NCKIPSD: variants seen among roughly 807,000 people sequenced by gnomAD.
NCKIPSD encodes the protein NCK-interacting protein with SH3 domain.
NCKIPSD carries 48 observed loss-of-function variants against 73.4 expected under a neutral mutation model. The observed-to-expected ratio is 0.65, with a 90% confidence interval of 0.52 to 0.83. The LOEUF (loss-of-function observed/expected upper bound fraction) is 0.83. Among genes scored for constraint, NCKIPSD ranks in the 40% least tolerant of loss-of-function variants. The pLI is 0.00. For synonymous variants in NCKIPSD, 422 were observed against 403.6 expected, an observed-to-expected ratio of 1.05 and a Z score of -0.54; for missense variants, 884 against 970.2, an observed-to-expected ratio of 0.91 and a Z score of 1.18.
intron 6 of NCKIPSD, 22 bp downstream of exon 6, chr3:48,680,037 G>C (rs749427613): frequency 3.7e-6 from 6 of 1,605,842 alleles, no homozygotes; most frequent in Middle Eastern, 1.7e-4. Flanking sequence ...TGTGGGGTAT[G>C]TGTGTGGGAC....
At position 48,680,193 on chromosome 3, in the gene NCKIPSD, G is replaced by A. The variant is rs772226187; in HGVS notation, c.1129C>T (p.His377Tyr). The A allele has an allele frequency of 6.2e-7, 1 of 1,613,480 alleles. No individual in the cohort carries two copies. Among genetic ancestry groups the A allele is most frequent in the African/African-American group, 1.3e-5 (1 of 74,936 alleles). ...ATCACCTCCAGCCTCTGCTGGTCGTGGCAGACCTGCCCTGAGGGCAGGGCC... is the reference window on the plus strand; with the variant it reads ...ATCACCTCCAGCCTCTGCTGGTCGTAGCAGACCTGCCCTGAGGGCAGGGCC... ...SMALPSGQVC[H>Y]DQQRLEVIFA... Residue 377 changes from histidine to tyrosine, a missense_variant, in exon 6 of 13, where the codon CAC (histidine) becomes TAC (tyrosine). His to Tyr is a moderately conservative substitution (Grantham distance 83). Transcript: ENST00000294129.
chr3:48,678,759 G>T, intron 11 of NCKIPSD, 23 bp from the exon 12 acceptor site: 1 of 1,612,042 alleles, frequency 6.2e-7, no homozygotes, highest in Non-Finnish European at 8.5e-7. Context: ...GGTCATAGCG[G>T]TCAGGGTGGA....
At position 48,678,878 on chromosome 3, in the gene NCKIPSD, C is replaced by G. The variant is rs763141216; in HGVS notation, c.1791G>C (p.Gly597=). Residue 597 remains glycine (G), a splice_region_variant and synonymous_variant, in exon 11 of 13, where the codon GGG becomes GGC. Coordinates refer to ENST00000294129, the MANE Select transcript of NCKIPSD (RefSeq NM_016453.4). ...SEKLLLLLNR[G]DDPVRIFKHE... is the part of the protein sequence containing the mutation. ...CCGCGCAGATTCCCGGGCCCTCACC[C>G]CCTCTGTTCAGGAGCAACAACAGCT... 6.2e-7 allele frequency: 1 copy of G among 1,613,862 alleles called. No homozygotes were observed. Among genetic ancestry groups the G allele is most frequent in the Non-Finnish European group, 8.5e-7 (1 of 1,179,994 alleles).
At chr3:48,684,019 C>CACACACACACACACACACACAGAG (rs563262573) in intron 1 of NCKIPSD, among the ~76,000 whole-genome samples, 10 of 141,342 alleles carry the variant, frequency 7.1e-5, no homozygotes, top group African/African-American at 2.8e-4. Flanking sequence ...CACACACACA[C>CACACACACACACACACACACAGAG]AGAGAGAGAG....
In NCKIPSD at chr3:48,681,368, G is replaced by A; in HGVS notation, c.1011C>T (p.Ile337=). The A allele has an allele frequency of 6.2e-7, 1 of 1,611,912 alleles. No homozygotes were observed. Among genetic ancestry groups the A allele is most frequent in the Non-Finnish European group, 8.5e-7 (1 of 1,179,018 alleles). Residue 337 remains isoleucine, a synonymous_variant, in exon 5 of 13, where the codon ATC becomes ATT. Coordinates refer to ENST00000294129, the MANE Select transcript of NCKIPSD (RefSeq NM_016453.4). ...SHELCRVAIG[I]IVGHIQASVP... ...CCGAGGCCTGGATGTGACCCACTATGATGCCGATGGCCACCCGGCATAATT... is the reference window on the plus strand; with the variant it reads ...CCGAGGCCTGGATGTGACCCACTATAATGCCGATGGCCACCCGGCATAATT...
rs765296751 is a variant in NCKIPSD at position 48,682,956 on chromosome 3, G to T, written c.228C>A (p.Asn76Lys). 1 of 1,552,866 alleles carries T rather than the reference G, an allele frequency of 6.4e-7. No homozygotes were observed. Among genetic ancestry groups the T allele is most frequent in the South Asian group, 1.2e-5 (1 of 84,124 alleles). Residue 76 changes from asparagine to lysine, a missense_variant, in exon 2 of 13, where the codon AAC (asparagine) becomes AAA (lysine). Asn to Lys is a moderately conservative substitution (Grantham distance 94). Transcript: ENST00000294129. ...AIDRAIEAVH[N>K]TAMRDGGKYS... ...ACTTGCCACCATCCCGCATGGCTGT[G>T]TTGTGTACAGCCTCGATGGCCCGGT...
Position 48,679,707 on chromosome 3 carries a change from G to T in NCKIPSD, c.1357C>A (p.Arg453=). ...AGGAGCAGCAGCCGCAGTGATGCTC[G>T]GTGTTCCTGGCAGGGAACCCTGCGT... ...ALVAYYQMEH[R]ASLRLLLLKC... Residue 453 remains arginine, a synonymous_variant, in exon 8 of 13, where the codon CGA becomes AGA. Coordinates refer to ENST00000294129, the MANE Select transcript of NCKIPSD (RefSeq NM_016453.4). The T allele has an allele frequency of 6.2e-7, 1 of 1,614,098 alleles. No individual in the cohort carries two copies. The highest frequency in any genetic ancestry group is 8.5e-7 in the Non-Finnish European group (1 of 1,180,000).
Position 48,685,782 on chromosome 3 carries a change from C to T in NCKIPSD, c.26G>A (p.Arg9His). Residue 9 changes from arginine (R) to histidine (H), a missense_variant, in exon 1 of 13, where the codon CGC (arginine) becomes CAC (histidine). Coordinates refer to ENST00000294129, the MANE Select transcript of NCKIPSD (RefSeq NM_016453.4). MYRALYAFRSAEPNALAFA... is the reference protein window; with the variant it reads MYRALYAFHSAEPNALAFA... ...CGCCAGCGCGTTGGGCTCCGCCGAG[C>T]GGAACGCGTACAGCGCGCGGTACAT... 1.3e-6 allele frequency: 2 copies of T among 1,528,104 alleles called. No homozygotes were observed. Among genetic ancestry groups the T allele is most frequent in the Admixed American group, 2.0e-5 (1 of 49,974 alleles). The allele number at this position is 1,528,104 out of a possible 1,614,324, so 94.7% of individuals were successfully genotyped here. A position where few individuals can be genotyped will look rare whatever the true frequency, so the allele number is the denominator to read the frequency against.
At position 48,681,329 on chromosome 3, in the gene NCKIPSD, T is replaced by C; in HGVS notation, c.1050A>G (p.Ser350=). ...GHIQASVPAS[S]PVMEQVLLSL... is the part of the protein sequence containing the mutation. ...AGAGGAGGACCTGCTCCATGACTGG[T>C]GAGCTGGCCGGCACCGAGGCCTGGA... The change falls in exon 5 of 13, where the codon TCA becomes TCG. Residue 350 remains serine, a synonymous_variant. Transcript: ENST00000294129. 1 of 1,609,988 alleles carries C rather than the reference T, an allele frequency of 6.2e-7. No homozygotes were observed. The highest frequency in any genetic ancestry group is 8.5e-7 in the Non-Finnish European group (1 of 1,179,008).
intron 12 of NCKIPSD, among the ~76,000 whole-genome samples, chr3:48,676,109 C>T (rs2077252766): frequency 6.6e-6 from 1 of 152,208 alleles, no homozygotes; most frequent in Non-Finnish European, 1.5e-5. Context: ...AAACCTCAAA[C>T]GGACACACAG....
intron 5 of NCKIPSD, 160 bp downstream of exon 5, chr3:48,681,127 C>T: frequency 2.6e-6 from 3 of 1,166,784 alleles, no homozygotes; most frequent in South Asian, 1.6e-5. Context: ...CTTGTCCTTC[C>T]TTTCTGCTTC....
At chr3:48,682,761 T>C (rs1392277780) in intron 2 of NCKIPSD, 142 bp downstream of exon 2, 3 of 1,296,988 alleles carry the variant, frequency 2.3e-6, no homozygotes, top group Non-Finnish European at 3.2e-6. Context: ...CGACCCCACC[T>C]TGCTCACTGG....
chr3:48,679,719 A>G lies in NCKIPSD; in HGVS notation c.1351-6T>C, dbSNP rs1050634808. 1 of 1,614,156 alleles carries G rather than the reference A, an allele frequency of 6.2e-7. No homozygotes were observed. The highest frequency in any genetic ancestry group is 8.5e-7 in the Non-Finnish European group (1 of 1,180,002). ...CGCAGTGATGCTCGGTGTTCCTGGC[A>G]GGGAACCCTGCGTGCTCAGTGCCTG... On this transcript the variant is annotated splice_region_variant and splice_polypyrimidine_tract_variant and intron_variant, in intron 7 of 12. Transcript: ENST00000294129.
intron 12 of NCKIPSD, among the ~76,000 whole-genome samples, chr3:48,676,471 C>T (rs1342100540): frequency 6.6e-6 from 1 of 152,118 alleles, no homozygotes; most frequent in Admixed American, 6.5e-5. Flanking sequence ...CACCATCATC[C>T]GTACCATTTT....
chr3:48,682,839 C>T, intron 2 of NCKIPSD, 64 bp downstream of exon 2: 1 of 1,515,688 alleles, frequency 6.6e-7, no homozygotes, highest in Non-Finnish European at 8.9e-7. Flanking sequence ...CCATGACACT[C>T]ATTGAAGAAC....
At chr3:48,680,779 C>A (rs577646809) in intron 5 of NCKIPSD, among the ~76,000 whole-genome samples, 2 of 152,132 alleles carry the variant, frequency 1.3e-5, no homozygotes, top group African/African-American at 2.4e-5. Context: ...AAGGATCCCA[C>A]CCATCCCATG....
chr3:48,682,453 A>G lies in NCKIPSD; in HGVS notation c.381T>C (p.Asp127=). The G allele has an allele frequency of 6.2e-7, 1 of 1,614,188 alleles. No individual in the cohort carries two copies. Among genetic ancestry groups the G allele is most frequent in the Non-Finnish European group, 8.5e-7 (1 of 1,180,018 alleles). ...MTSSTSDHHL[D]AAAARQPNGV... ...CATTGGGCTGCCTGGCTGCAGCAGC[A>G]TCCAAGTGGTGGTCACTGGTTGATG... The change falls in exon 3 of 13, where the codon GAT becomes GAC. Residue 127 remains aspartate, a synonymous_variant. Coordinates refer to ENST00000294129, the MANE Select transcript of NCKIPSD (RefSeq NM_016453.4).
chr3:48,678,057 C>G (rs2077282217), intron 12 of NCKIPSD, among the ~76,000 whole-genome samples: 1 of 152,210 alleles, frequency 6.6e-6, no homozygotes, highest in African/African-American at 2.4e-5. Flanking sequence ...CTTCATCCAT[C>G]TAGCTGCTCA....
Position 48,674,167 on chromosome 3 carries a change from G to A in NCKIPSD, c.*377C>T. 1 of 1,178,774 alleles carries A rather than the reference G, an allele frequency of 8.5e-7. No homozygotes were observed. Among genetic ancestry groups the A allele is most frequent in the South Asian group, 2.7e-5 (1 of 37,156 alleles). 73.0% of individuals were successfully genotyped at this position (1,178,774 alleles called of 1,614,324 possible). A position where few individuals can be genotyped will look rare whatever the true frequency, so the allele number is the denominator to read the frequency against. ...TGGGAGATGCCTCCCCTCACCCCAG[G>A]GGCATGGCTTGCTGAGGCCCAGGAT... is the stretch of plus-strand genomic sequence containing the variant. On this transcript the variant is annotated 3_prime_UTR_variant, in exon 13 of 13. Transcript: ENST00000294129.
Sources: gnomAD v4.1 joint callset for allele counts (sites outside exome capture counted in the v4.1 genomes callset) on GRCh38, gnomAD v4.1.1 for gene constraint, MANE v1.5 for transcripts, NCBI Gene and HGNC (gene_info 2026-07-23, HGNC 2026-07-21) for gene names.